NSD3: variants seen among roughly 807,000 people sequenced by gnomAD.
NSD3 encodes the protein nuclear receptor binding SET domain protein 3, also known as histone-lysine N-methyltransferase NSD3.
In NSD3, 24 loss-of-function variants were observed where a neutral mutation model predicts 160.8. The observed-to-expected ratio is 0.15, with a 90% CI of 0.11 to 0.21. The LOEUF is 0.21. Among genes scored for constraint, NSD3 ranks in the 10% least tolerant of loss-of-function variants. The probability of loss-of-function intolerance (pLI) is 1.00; values close to 1 mark genes in which losing one functional copy is unlikely to be tolerated. For synonymous variants in NSD3, 520 were observed against 600.0 expected (o/e 0.87, Z 1.95); for missense variants, 1,157 against 1,735.9 (o/e 0.67, Z 5.93).
intron 19 of NSD3, among the ~76,000 whole-genome samples, chr8:38,281,977 G>T (rs1410481582): frequency 1.3e-5 from 2 of 152,140 alleles, no homozygotes; most frequent in East Asian, 3.9e-4. Flanking sequence ...CTCTGTTTTT[G>T]TTTTTAAGCT....
chr8:38,285,326 T>TTTCAGGAATCTGTTCTG (rs1808834482), intron 19 of NSD3, among the ~76,000 whole-genome samples: 1 of 152,226 alleles, frequency 6.6e-6, no homozygotes, highest in Non-Finnish European at 1.5e-5. Context: ...TGGCACACAT[T>TTTCAGGAATCTGTTCTG]TTCAGGAATC....
intron 1 of NSD3, among the ~76,000 whole-genome samples, chr8:38,354,906 T>C (rs1344046747): frequency 6.6e-6 from 1 of 152,178 alleles, no homozygotes; most frequent in African/African-American, 2.4e-5. Context: ...AAGAGGGCCA[T>C]ACTTCTTCAT....
At chr8:38,297,699 T>G (rs1439485416) in intron 15 of NSD3, among the ~76,000 whole-genome samples, 2 of 152,230 alleles carry the variant, frequency 1.3e-5, no homozygotes, top group African/African-American at 4.8e-5. Flanking sequence ...ATTTTTTTTC[T>G]GGGACTACAT....
At chr8:38,367,394 AAT>A (rs377037691) in intron 1 of NSD3, among the ~76,000 whole-genome samples, 3 of 151,164 alleles carry the variant, frequency 2.0e-5, no homozygotes, top group East Asian at 1.9e-4. Flanking sequence ...TTCTGAAAAG[AAT>A]ATATATATAT....
At chr8:38,345,388 G>C (rs1298616201) in intron 2 of NSD3, among the ~76,000 whole-genome samples, 1 of 151,594 alleles carries the variant, frequency 6.6e-6, no homozygotes, top group East Asian at 1.9e-4. Flanking sequence ...GAGGGAGAGA[G>C]AGAGAGAACG....
At chr8:38,369,846 G>A (rs183613323) in intron 1 of NSD3, among the ~76,000 whole-genome samples, 1 of 152,128 alleles carries the variant, frequency 6.6e-6, no homozygotes, top group Non-Finnish European at 1.5e-5. Flanking sequence ...CCAGGCTGGA[G>A]TGCAGTGGCA....
intron 19 of NSD3, 61 bp from the exon 20 acceptor site, chr8:38,281,644 TGACAC>T: frequency 6.3e-6 from 7 of 1,116,314 alleles, no homozygotes; most frequent in South Asian, 1.6e-5. Context: ...CATTGCTTAA[TGACAC>T]ATGTATAACC....
chr8:38,296,792 G>T (rs920266620), intron 15 of NSD3, among the ~76,000 whole-genome samples: 1 of 151,422 alleles, frequency 6.6e-6, no homozygotes, highest in Non-Finnish European at 1.5e-5. Flanking sequence ...GCCCAGGCTG[G>T]TCTTGAACTC....
At position 38,278,425 on chromosome 8, in the gene NSD3, A is replaced by G; in HGVS notation, c.3761-13T>C. ...GTTAACTCCATCCCTGAAACACAGG[A>G]GAAATAATTATTCAAACTCGAGTCA... On this transcript the variant is annotated splice_polypyrimidine_tract_variant and intron_variant, in intron 21 of 23. Coordinates refer to ENST00000317025, the MANE Select transcript of NSD3 (RefSeq NM_023034.2). The G allele has an allele frequency of 6.2e-7, 1 of 1,601,142 alleles. No homozygotes were observed. The highest frequency in any genetic ancestry group is 1.7e-4 in the Middle Eastern group (1 of 6,048).
chr8:38,360,836 T>C (rs1810942475), intron 1 of NSD3, among the ~76,000 whole-genome samples: 1 of 152,296 alleles, frequency 6.6e-6, no homozygotes, highest in South Asian at 2.1e-4. Context: ...GTGAAGCAAA[T>C]TATGCCATTT....
chr8:38,345,433 C>T (rs191964648), intron 2 of NSD3, among the ~76,000 whole-genome samples: 378 of 152,066 alleles, frequency 2.5e-3, no homozygotes, highest in Middle Eastern at 6.8e-3. Flanking sequence ...CCCCAAGACT[C>T]GACTTTCAGG....
chr8:38,329,071 C>T lies in NSD3; in HGVS notation c.1581+307G>A, dbSNP rs952567293. On this transcript the variant is annotated intron_variant, in intron 6 of 23. Coordinates refer to ENST00000317025, the MANE Select transcript of NSD3 (RefSeq NM_023034.2). The surrounding 1 kb of genome is among the most constrained non-coding windows in gnomAD (Gnocchi z 4.8). ...CTTTGCAACTAAGAAAAGCTAACTA[C>T]GCAAACTAGAAACAGGCAAAGTGCC... is the stretch of plus-strand genomic sequence containing the variant. Among the ~76,000 whole-genome samples, 7 of 152,138 alleles carry T rather than the reference C, an allele frequency of 4.6e-5. No homozygotes were observed. Among genetic ancestry groups the T allele is most frequent in the African/African-American group, 1.2e-4 (5 of 41,412 alleles).
chr8:38,359,337 T>A (rs1318325005), intron 1 of NSD3, among the ~76,000 whole-genome samples: 1 of 152,114 alleles, frequency 6.6e-6, no homozygotes, highest in East Asian at 1.9e-4. Context: ...AAAACCAAAC[T>A]GCTATGAAGT....
At chr8:38,289,352 T>A (rs1808942097) in intron 18 of NSD3, 41 bp downstream of exon 18, 1 of 1,533,038 alleles carries the variant, frequency 6.5e-7, no homozygotes, top group African/African-American at 1.4e-5. Flanking sequence ...ACTTTGTTTC[T>A]TATTTTATTT....
In NSD3 at chr8:38,299,733, T is replaced by A. The variant is rs763151054; in HGVS notation, c.2612-143A>T. 6.6e-4 allele frequency: 508 copies of A among 771,092 alleles called. 2 individuals are homozygous for A. Among genetic ancestry groups the A allele is most frequent in the Non-Finnish European group, 5.9e-4 (326 of 551,548 alleles). 47.8% of individuals were successfully genotyped at this position (771,092 alleles called of 1,614,324 possible). On this transcript the variant is annotated intron_variant, in intron 14 of 23. Transcript: ENST00000317025. Reference sequence around the variant, plus strand: ...TGAGAATATGAAGAAAAAAGAAAGATCTGACAGAAAGGTTTTCTACAGTTT... The same window carrying A: ...TGAGAATATGAAGAAAAAAGAAAGAACTGACAGAAAGGTTTTCTACAGTTT...
At chr8:38,313,466 G>T (rs1563351417) in intron 12 of NSD3, among the ~76,000 whole-genome samples, 1 of 152,054 alleles carries the variant, frequency 6.6e-6, no homozygotes, top group African/African-American at 2.4e-5. Context: ...TGGATCAAAT[G>T]AAATAGCAGG....
chr8:38,377,530 TA>T, intron 1 of NSD3, among the ~76,000 whole-genome samples: 1 of 151,740 alleles, frequency 6.6e-6, no homozygotes, highest in South Asian at 2.1e-4. Flanking sequence ...GTATTTTTAG[TA>T]GAGATGGGTG....
At position 38,281,452 on chromosome 8, in the gene NSD3, A is replaced by G. The variant is rs1167062420; in HGVS notation, c.3618+15T>C. ...ACAAATCCCTTTTTCTTACAAAAAA[A>G]AAAAGCAATTTTACCTTGGTAACAG... On this transcript the variant is annotated intron_variant, in intron 20 of 23. Coordinates refer to ENST00000317025, the MANE Select transcript of NSD3 (RefSeq NM_023034.2). 1 of 1,380,414 alleles carries G rather than the reference A, an allele frequency of 7.2e-7. No homozygotes were observed. 85.5% of individuals were successfully genotyped at this position (1,380,414 alleles called of 1,614,324 possible).
rs182880898 is a variant in NSD3, at chr8:38,278,522, G to A, written c.3761-110C>T. 388 of 894,162 alleles carry A rather than the reference G, an allele frequency of 4.3e-4. 1 individual carries two copies. In the African/African-American group the frequency reaches 5.2e-3, roughly 12 times the overall value. 55.4% of individuals were successfully genotyped at this position (894,162 alleles called of 1,614,324 possible). A position where few individuals can be genotyped will look rare whatever the true frequency, so the allele number is the denominator to read the frequency against. On this transcript the variant is annotated intron_variant, in intron 21 of 23. Coordinates refer to ENST00000317025, the MANE Select transcript of NSD3 (RefSeq NM_023034.2). The stretch of plus-strand genomic sequence containing the variant: ...AGAGACATCATTTTGGCATGAAGGC[G>A]TTTCCCTTGCCAGTGTTCTACCTCA...
Sources: gnomAD v4.1 joint callset for allele counts (sites outside exome capture counted in the v4.1 genomes callset) on GRCh38, gnomAD v4.1.1 for gene constraint, Gnocchi (gnomAD v3.1) non-coding constraint, MANE v1.5 for transcripts, NCBI Gene and HGNC (gene_info 2026-07-23, HGNC 2026-07-21) for gene names.